Variants in STYXL2 observed in about 807,000 individuals in gnomAD.
STYXL2 encodes the protein serine/threonine/tyrosine interacting like 2, also known as serine/threonine/tyrosine-interacting-like protein 2.
A neutral mutation model predicts 52.4 loss-of-function variants in STYXL2; 44 were observed. The observed-to-expected ratio is 0.84, with a 90% CI of 0.66 to 1.08. The LOEUF (loss-of-function observed/expected upper bound fraction) is 1.08. Among genes scored for constraint, STYXL2 ranks in the 50% least tolerant of loss-of-function variants. STYXL2 has a pLI of 0.00. For synonymous variants in STYXL2, 604 were observed against 586.9 expected (o/e 1.03, Z -0.42); for missense variants, 1,604 against 1,471.7 (o/e 1.09, Z -1.47).
intron 4 of STYXL2, among the ~76,000 whole-genome samples, chr1:167,118,928 T>G (rs752031503): frequency 2.6e-5 from 4 of 152,242 alleles, no homozygotes; most frequent in Non-Finnish European, 5.9e-5. Flanking sequence ...TTTTGTGCCT[T>G]GATGAATGTC....
intron 2 of STYXL2, among the ~76,000 whole-genome samples, chr1:167,112,662 C>T (rs1667643130): frequency 6.6e-6 from 1 of 152,220 alleles, no homozygotes; most frequent in South Asian, 2.1e-4. Context: ...ACTGGACCTA[C>T]AGCAGGACTG....
intron 5 of STYXL2, among the ~76,000 whole-genome samples, chr1:167,121,454 C>T (rs1201322692): frequency 6.6e-6 from 1 of 152,254 alleles, no homozygotes; most frequent in African/African-American, 2.4e-5. Context: ...GGAGCGGGTA[C>T]GCTCGCAATA....
chr1:167,125,719 C>T, intron 5 of STYXL2, 68 bp from the exon 6 acceptor site: 1 of 1,494,154 alleles, frequency 6.7e-7, no homozygotes, highest in Non-Finnish European at 8.9e-7. Context: ...CCAAAGAAAA[C>T]AAACAAACAA....
At chr1:167,106,711 C>A (rs1457642563) in intron 2 of STYXL2, among the ~76,000 whole-genome samples, 2 of 152,108 alleles carry the variant, frequency 1.3e-5, no homozygotes, top group Non-Finnish European at 2.9e-5. Flanking sequence ...CTGTCCTGAA[C>A]CCTTGGAGCT....
rs768461001 is a variant in STYXL2 at position 167,127,820 on chromosome 1, C to T, written c.2689C>T (p.Arg897Ter). The change falls in exon 6 of 6, where the codon CGA (arginine) becomes TGA (stop). Residue 897 changes from arginine to a stop codon, truncating the protein, a stop_gained. Transcript: ENST00000361200. LOFTEE classifies it high-confidence loss of function. ...EDTDSAIGSFRYSSRSNSQKP... is the reference protein window; with the variant it reads ...EDTDSAIGSF Reference sequence around the variant, plus strand: ...CACTGACAGTGCCATAGGGAGCTTCCGATATTCTTCCCGCAGTAATTCCCA... The same window carrying T: ...CACTGACAGTGCCATAGGGAGCTTCTGATATTCTTCCCGCAGTAATTCCCA... 92 of 1,613,614 alleles carry T rather than the reference C, an allele frequency of 5.7e-5. No individual in the cohort carries two copies. The highest frequency in any genetic ancestry group is 6.9e-5 in the Non-Finnish European group (82 of 1,180,024).
chr1:167,109,135 A>G (rs1157103700), intron 2 of STYXL2, among the ~76,000 whole-genome samples: 1 of 152,166 alleles, frequency 6.6e-6, no homozygotes, highest in African/African-American at 2.4e-5. Context: ...ACTTTGTAAT[A>G]ATTTCAACCA....
At position 167,128,706 on chromosome 1, in the gene STYXL2, G is replaced by GA. The variant is rs1668030242; in HGVS notation, c.*99dup. 25 of 1,464,028 alleles carry GA rather than the reference G, an allele frequency of 1.7e-5. No individual in the cohort carries two copies. In the Admixed American group the frequency reaches 6.6e-4, roughly 39 times the overall value. The allele number at this position is 1,464,028 out of a possible 1,614,324, so 90.7% of individuals were successfully genotyped here. ...ACTCATCGCAGGATGAGGATACAGA[G>GA]AGGATCTTCCAGAGGGGCAGAGCCA... On this transcript the variant is annotated 3_prime_UTR_variant, in exon 6 of 6. Transcript: ENST00000361200.
At chr1:167,122,004 A>C (rs2102244159) in intron 5 of STYXL2, among the ~76,000 whole-genome samples, 1 of 152,240 alleles carries the variant, frequency 6.6e-6, no homozygotes, top group African/African-American at 2.4e-5. Context: ...TCAGTTCTTG[A>C]CCAGAACAGG....
At chr1:167,104,507 AG>A (rs1219328208) in intron 2 of STYXL2, among the ~76,000 whole-genome samples, 1 of 152,112 alleles carries the variant, frequency 6.6e-6, no homozygotes, top group African/African-American at 2.4e-5. Flanking sequence ...GGTAGGAGAC[AG>A]GGGCATGAAG....
intron 4 of STYXL2, among the ~76,000 whole-genome samples, chr1:167,118,612 A>G (rs7537333): frequency 0.3 from 45,708 of 152,104 alleles, 7,641 homozygotes; most frequent in East Asian, 0.72. Context: ...TCCTTCTCGG[A>G]CAACCTGTCC....
intron 2 of STYXL2, among the ~76,000 whole-genome samples, chr1:167,102,077 T>C (rs150884299): frequency 6.6e-6 from 1 of 150,988 alleles, no homozygotes; most frequent in African/African-American, 2.4e-5. Flanking sequence ...TCCATTTATA[T>C]AAAATTCTAG....
intron 2 of STYXL2, among the ~76,000 whole-genome samples, chr1:167,098,829 C>T (rs1356083196): frequency 6.6e-6 from 1 of 152,154 alleles, no homozygotes; most frequent in Non-Finnish European, 1.5e-5. Context: ...AGCATGGTAG[C>T]TAAATTCCAA....
rs1291250215 is a variant in STYXL2, at chr1:167,127,965, A to AG, written c.2836dup (p.Glu946GlyfsTer8). ...AAGTGGCTCAGTGGCCTCAGGACGG[A>AG]GGAAAAACCTCCTTTCCAAAGTGAC... is the stretch of plus-strand genomic sequence containing the variant. On this transcript the variant is annotated frameshift_variant, in exon 6 of 6. Transcript: ENST00000361200. LOFTEE classifies it high-confidence loss of function. The AG allele has an allele frequency of 6.2e-7, 1 of 1,614,074 alleles. No homozygotes were observed. The highest frequency in any genetic ancestry group is 1.3e-5 in the African/African-American group (1 of 74,920).
At chr1:167,109,128 T>C (rs1336155750) in intron 2 of STYXL2, among the ~76,000 whole-genome samples, 1 of 152,140 alleles carries the variant, frequency 6.6e-6, no homozygotes, top group African/African-American at 2.4e-5. Flanking sequence ...CAGCTGAACT[T>C]TGTAATAATT....
chr1:167,095,164 A>G (rs1328523395), intron 2 of STYXL2, among the ~76,000 whole-genome samples: 1 of 150,396 alleles, frequency 6.6e-6, no homozygotes, highest in Non-Finnish European at 1.5e-5. Flanking sequence ...TGTGCTAGAT[A>G]TTAATATGAC....
Position 167,126,806 on chromosome 1 carries a change from A to G in STYXL2, c.1675A>G (p.Lys559Glu), listed in dbSNP as rs759681131. ...IKRIQFGFHKKDLGAGDSSGE... is the reference protein window; with the variant it reads ...IKRIQFGFHKEDLGAGDSSGE... The stretch of plus-strand genomic sequence containing the variant: ...GAGAATCCAATTTGGATTTCACAAG[A>G]AAGACTTGGGAGCGGGAGACAGCAG... The change falls in exon 6 of 6, where the codon AAA (lysine) becomes GAA (glutamate). Residue 559 changes from lysine to glutamate, a missense_variant. Lys to Glu is a moderately conservative substitution (Grantham distance 56). Coordinates refer to ENST00000361200, the MANE Select transcript of STYXL2 (RefSeq NM_001080426.3). The G allele has an allele frequency of 3.1e-6, 5 of 1,614,076 alleles. No homozygotes were observed. Among genetic ancestry groups the G allele is most frequent in the Non-Finnish European group, 3.4e-6 (4 of 1,180,042 alleles).
At chr1:167,109,502 C>T (rs928376111) in intron 2 of STYXL2, among the ~76,000 whole-genome samples, 3 of 152,132 alleles carry the variant, frequency 2.0e-5, no homozygotes, top group African/African-American at 7.2e-5. Flanking sequence ...GAGAACCACA[C>T]CCTCCATCCC....
intron 2 of STYXL2, among the ~76,000 whole-genome samples, chr1:167,096,304 A>T (rs188018264): frequency 6.6e-6 from 1 of 151,868 alleles, no homozygotes; most frequent in African/African-American, 2.4e-5. Flanking sequence ...ACTTAGGAAA[A>T]CTCTCAGGAT....
chr1:167,102,113 G>A (rs969602593), intron 2 of STYXL2, among the ~76,000 whole-genome samples: 1 of 151,634 alleles, frequency 6.6e-6, no homozygotes, highest in African/African-American at 2.4e-5. Flanking sequence ...CTCTACAGTG[G>A]CAGAAAGCAG....
Sources: gnomAD v4.1 joint callset for allele counts (sites outside exome capture counted in the v4.1 genomes callset) on GRCh38, gnomAD v4.1.1 for gene constraint, MANE v1.5 for transcripts, NCBI Gene and HGNC (gene_info 2026-07-23, HGNC 2026-07-21) for gene names.